Variants in FGF12 observed in about 807,000 individuals in gnomAD.
FGF12 encodes fibroblast growth factor 12, also known as fibroblast growth factor 12B.
A neutral mutation model predicts 23.6 loss-of-function variants in FGF12; 14 were observed. The ratio of observed to expected loss-of-function variants is 0.59; its 90% CI spans 0.39 to 0.93. The LOEUF is 0.93. FGF12 is among the 40% of genes least tolerant of loss of function. FGF12 has a pLI of 0.00. For missense variants in FGF12, 175 were observed against 217.8 expected, an observed-to-expected ratio of 0.80 and a Z score of 1.24; for synonymous variants, 62 against 77.3, an observed-to-expected ratio of 0.80 and a Z score of 1.04.
chr3:192,214,708 T>C (rs1718100709), intron 4 of FGF12, among the ~76,000 whole-genome samples: 1 of 152,226 alleles, frequency 6.6e-6, no homozygotes. Context: ...TGCCAACTCA[T>C]AAGCATTGTT....
chr3:192,398,287 CTG>C (rs1354712967), intron 2 of FGF12, among the ~76,000 whole-genome samples: 1 of 152,114 alleles, frequency 6.6e-6, no homozygotes, highest in Admixed American at 6.6e-5. Context: ...GGGAAAAGAT[CTG>C]TGTTTCATGT....
At chr3:192,382,805 T>C (rs1719875050) in intron 2 of FGF12, among the ~76,000 whole-genome samples, 1 of 152,200 alleles carries the variant, frequency 6.6e-6, no homozygotes, top group Admixed American at 6.5e-5. Context: ...TGAATGCCTA[T>C]ATTTAAAACT....
chr3:192,557,489 A>G (rs1251546578), intron 2 of FGF12, among the ~76,000 whole-genome samples: 1 of 151,970 alleles, frequency 6.6e-6, no homozygotes, highest in Non-Finnish European at 1.5e-5. Flanking sequence ...CAAAACACTT[A>G]AAGAAGAATT....
intron 4 of FGF12, among the ~76,000 whole-genome samples, chr3:192,328,416 C>T (rs1162847841): frequency 6.6e-6 from 1 of 152,190 alleles, no homozygotes; most frequent in Non-Finnish European, 1.5e-5. Context: ...CTCAGGTGAG[C>T]TTCCTGCTTG....
chr3:192,144,217 A>T, intron 5 of FGF12, 90 bp from the exon 6 acceptor site: 1 of 710,532 alleles, frequency 1.4e-6, no homozygotes, highest in South Asian at 1.8e-5. Flanking sequence ...AATATTCTTC[A>T]CTCTCATCAC....
At chr3:192,351,925 C>G (rs187736715) in intron 3 of FGF12, among the ~76,000 whole-genome samples, 1 of 152,196 alleles carries the variant, frequency 6.6e-6, no homozygotes, top group Non-Finnish European at 1.5e-5. Flanking sequence ...GGCTTGCCTC[C>G]TGGATAAGAT....
At chr3:192,670,823 A>G (rs1303365474) in intron 2 of FGF12, among the ~76,000 whole-genome samples, 1 of 152,206 alleles carries the variant, frequency 6.6e-6, no homozygotes, top group Admixed American at 6.5e-5. Context: ...GACCCGAAGG[A>G]TAGTTTGAAT....
rs1577104723 is a variant in FGF12, at chr3:192,659,235, G to A, written c.13+67946C>T. On this transcript the variant is annotated intron_variant, in intron 2 of 5. Transcript: ENST00000445105. Reference sequence around the variant, plus strand: ...AAAATAAAGTGTTGATACATCTTATGGCATTTCTTCTCCCTACATCCCATT... The same window carrying A: ...AAAATAAAGTGTTGATACATCTTATAGCATTTCTTCTCCCTACATCCCATT... Among the ~76,000 whole-genome samples the A allele has an allele frequency of 2.6e-5, 4 of 152,110 alleles. No individual in the cohort carries two copies. In the South Asian group the frequency reaches 8.3e-4, roughly 32 times the overall value.
intron 2 of FGF12, among the ~76,000 whole-genome samples, chr3:192,549,290 A>T (rs1190351379): frequency 6.6e-6 from 1 of 152,152 alleles, no homozygotes; most frequent in Non-Finnish European, 1.5e-5. Flanking sequence ...AAAATAAAAG[A>T]ACAGATTCTA....
At chr3:192,658,879 C>A (rs1289260307) in intron 2 of FGF12, among the ~76,000 whole-genome samples, 2 of 152,014 alleles carry the variant, frequency 1.3e-5, no homozygotes, top group African/African-American at 4.8e-5. Context: ...AAACAAAAAA[C>A]CATAATTTGA....
At chr3:192,411,286 G>T (rs1250497688) in intron 2 of FGF12, among the ~76,000 whole-genome samples, 1 of 152,206 alleles carries the variant, frequency 6.6e-6, no homozygotes, top group East Asian at 1.9e-4. Flanking sequence ...CTTCCAGGCT[G>T]CCAGCTGGGC....
At chr3:192,605,027 G>T (rs1714277780) in intron 2 of FGF12, among the ~76,000 whole-genome samples, 1 of 152,060 alleles carries the variant, frequency 6.6e-6, no homozygotes, top group African/African-American at 2.4e-5. Flanking sequence ...TGTCTTTCAT[G>T]ATATACAAAA....
At chr3:192,689,137 T>C (rs1443469158) in intron 2 of FGF12, among the ~76,000 whole-genome samples, 1 of 152,068 alleles carries the variant, frequency 6.6e-6, no homozygotes, top group African/African-American at 2.4e-5. Context: ...AACACATAGA[T>C]AGATAGAAGG....
intron 2 of FGF12, among the ~76,000 whole-genome samples, chr3:192,696,023 C>T (rs1212942443): frequency 6.6e-6 from 1 of 152,130 alleles, no homozygotes; most frequent in East Asian, 1.9e-4. Flanking sequence ...CACTTGAATC[C>T]AGGAGGCAGC....
At chr3:192,236,216 G>C (rs535122887) in intron 4 of FGF12, among the ~76,000 whole-genome samples, 78 of 142,718 alleles carry the variant, frequency 5.5e-4, no homozygotes, top group African/African-American at 1.9e-3. Context: ...GCTGTGTTCT[G>C]AGAGTGTAGC....
At chr3:192,537,564 T>C (rs937926228) in intron 2 of FGF12, among the ~76,000 whole-genome samples, 8 of 152,206 alleles carry the variant, frequency 5.3e-5, no homozygotes, top group African/African-American at 1.9e-4. Flanking sequence ...ATGCTGAGCA[T>C]ATTGTTATAT....
chr3:192,147,137 G>A, intron 5 of FGF12, among the ~76,000 whole-genome samples: 1 of 152,154 alleles, frequency 6.6e-6, no homozygotes, highest in Non-Finnish European at 1.5e-5. Flanking sequence ...GCAAACTAAA[G>A]TTATTCTAGA....
At chr3:192,711,940 CAA>C (rs60779864) in intron 2 of FGF12, among the ~76,000 whole-genome samples, 2,221 of 50,784 alleles carry the variant, frequency 0.044, 42 homozygotes, top group African/African-American at 0.1. Context: ...CAAGAACGAT[CAA>C]AAAAAAAAAA....
At chr3:192,258,640 A>G (rs2108614902) in intron 4 of FGF12, among the ~76,000 whole-genome samples, 1 of 152,248 alleles carries the variant, frequency 6.6e-6, no homozygotes. Flanking sequence ...GAAGATTTAA[A>G]GGTTTTTGAA....
Sources: gnomAD v4.1 joint callset for allele counts (sites outside exome capture counted in the v4.1 genomes callset) on GRCh38, gnomAD v4.1.1 for gene constraint, MANE v1.5 for transcripts, NCBI Gene and HGNC (gene_info 2026-07-23, HGNC 2026-07-21) for gene names.